Variants in NRXN1 observed in about 807,000 individuals in gnomAD.
The protein encoded by NRXN1 is neurexin 1, also known as neurexin-1.
A neutral mutation model predicts 150.9 loss-of-function variants in NRXN1; 39 were observed. That is an observed-to-expected ratio of 0.26 (90% confidence interval 0.20 to 0.34). The LOEUF (loss-of-function observed/expected upper bound fraction) is 0.34, where lower values mean the gene tolerates loss of function less well. Among genes scored for constraint, NRXN1 ranks in the 10% least tolerant of loss-of-function variants. The pLI is 1.00. For synonymous variants in NRXN1, 924 were observed against 757.0 expected (o/e 1.22, Z -3.62); for missense variants, 1,815 against 1,949.9 (o/e 0.93, Z 1.30).
chr2:50,212,466 G>GTT (rs113283870), intron 18 of NRXN1, among the ~76,000 whole-genome samples: 1 of 148,094 alleles, frequency 6.8e-6, no homozygotes, highest in Admixed American at 6.8e-5. Context: ...TTTGAGTCTG[G>GTT]TTTTTTTTTT....
At chr2:51,000,533 TTAC>T (rs1699893429) in intron 2 of NRXN1, among the ~76,000 whole-genome samples, 1 of 104,514 alleles carries the variant, frequency 9.6e-6, no homozygotes, top group Non-Finnish European at 1.9e-5. Context: ...GCTAATATTA[TTAC>T]TATTACCAAA....
At chr2:50,653,945 C>T (rs1686008439) in intron 5 of NRXN1, among the ~76,000 whole-genome samples, 1 of 149,412 alleles carries the variant, frequency 6.7e-6, no homozygotes, top group African/African-American at 2.5e-5. Context: ...CTCACTATGC[C>T]CCCTACTTTC....
chr2:50,707,128 T>C (rs1694549902), intron 5 of NRXN1, among the ~76,000 whole-genome samples: 1 of 152,184 alleles, frequency 6.6e-6, no homozygotes, highest in Admixed American at 6.5e-5. Context: ...TGTGTATGTA[T>C]TTGCTTGGCC....
chr2:50,931,648 G>T (rs1457699774), intron 2 of NRXN1, among the ~76,000 whole-genome samples: 2 of 150,718 alleles, frequency 1.3e-5, no homozygotes, highest in East Asian at 3.9e-4. Context: ...CATATTAAAA[G>T]GATTTGATTT....
intron 18 of NRXN1, among the ~76,000 whole-genome samples, chr2:50,101,292 C>T (rs747313483): frequency 7.2e-5 from 11 of 151,952 alleles, no homozygotes; most frequent in Non-Finnish European, 1.0e-4. Flanking sequence ...GACCATTGCA[C>T]TCTTTGATAT....
chr2:50,728,623 T>C (rs1376191561), intron 5 of NRXN1, among the ~76,000 whole-genome samples: 1 of 152,178 alleles, frequency 6.6e-6, no homozygotes, highest in East Asian at 1.9e-4. Context: ...TGTTAGTTCT[T>C]AGAAAGGCTG....
At chr2:49,936,145 G>A (rs1368410635) in intron 22 of NRXN1, among the ~76,000 whole-genome samples, 1 of 152,168 alleles carries the variant, frequency 6.6e-6, no homozygotes, top group Non-Finnish European at 1.5e-5. Context: ...TGTATCAGCA[G>A]CCATCTATTT....
At chr2:50,237,413 T>A (rs2065562903) in intron 17 of NRXN1, among the ~76,000 whole-genome samples, 1 of 151,960 alleles carries the variant, frequency 6.6e-6, no homozygotes. Context: ...GTGGAGAAAG[T>A]CGCAACAAAT....
intron 2 of NRXN1, among the ~76,000 whole-genome samples, chr2:50,991,498 A>T (rs183114997): frequency 1.3e-4 from 20 of 152,136 alleles, no homozygotes; most frequent in Non-Finnish European, 5.9e-5. Flanking sequence ...TCCTACTGCA[A>T]TAGCTTCTGA....
At chr2:50,330,629 G>T (rs2076779640) in intron 17 of NRXN1, among the ~76,000 whole-genome samples, 2 of 152,112 alleles carry the variant, frequency 1.3e-5, no homozygotes. Flanking sequence ...GCTTAATGGT[G>T]CACACAGGAA....
chr2:50,489,010 C>T (rs548664166), intron 15 of NRXN1, among the ~76,000 whole-genome samples: 16 of 152,318 alleles, frequency 1.1e-4, no homozygotes, highest in African/African-American at 3.8e-4. Context: ...TGCTCCAAGG[C>T]ACAAATGTCA....
chr2:50,100,111 A>G (rs1023517442), intron 18 of NRXN1, among the ~76,000 whole-genome samples: 2 of 152,168 alleles, frequency 1.3e-5, no homozygotes, highest in African/African-American at 4.8e-5. Flanking sequence ...AAAAACTCTA[A>G]GATTTTATTG....
chr2:49,969,790 A>G (rs1305444537), intron 21 of NRXN1: 1 of 152,028 alleles, frequency 6.6e-6, no homozygotes, highest in African/African-American at 2.4e-5. Context: ...AACTTGAACG[A>G]TGTTAAGTCA....
chr2:50,812,800 CA>C (rs776852334), intron 5 of NRXN1, among the ~76,000 whole-genome samples: 257 of 106,558 alleles, frequency 2.4e-3, no homozygotes, highest in African/African-American at 5.8e-3. Flanking sequence ...AAAGAGAAAG[CA>C]AAAAAAAAAA....
At chr2:50,040,506 T>C (rs1690769163) in intron 21 of NRXN1, among the ~76,000 whole-genome samples, 1 of 151,742 alleles carries the variant, frequency 6.6e-6, no homozygotes, top group South Asian at 2.1e-4. Flanking sequence ...AATAAACAAA[T>C]GGAACATAAG....
In NRXN1 at chr2:50,320,283, C is replaced by CTTATATATAT. The variant is rs1178411507; in HGVS notation, c.3365-83314_3365-83313insATATATATAA. Among the ~76,000 whole-genome samples, 66 of 43,056 alleles carry CTTATATATAT rather than the reference C, an allele frequency of 1.5e-3. 3 individuals carry two copies. The highest frequency in any genetic ancestry group is 3.5e-3 in the African/African-American group (60 of 17,096). 28.2% of individuals were successfully genotyped at this position (43,056 alleles called of 152,430 possible). ...TATTCATTTATTCTTATACCTCAAT[C>CTTATATATAT]ATATATATATATATATATATATATA... On this transcript the variant is annotated intron_variant, in intron 17 of 22. Transcript: ENST00000401669.
chr2:50,318,936 TAA>T (rs1437621107), intron 17 of NRXN1, among the ~76,000 whole-genome samples: 2 of 152,170 alleles, frequency 1.3e-5, no homozygotes, highest in Admixed American at 6.5e-5. Context: ...ATGAATTATA[TAA>T]GTTTTAAAGG....
At chr2:50,537,964 C>T (rs916955874) in intron 10 of NRXN1, among the ~76,000 whole-genome samples, 3 of 152,170 alleles carry the variant, frequency 2.0e-5, no homozygotes, top group Non-Finnish European at 2.9e-5. Flanking sequence ...GCAAAAAAGA[C>T]AGCAGTTACT....
intron 15 of NRXN1, among the ~76,000 whole-genome samples, chr2:50,485,390 A>T (rs2090793511): frequency 6.6e-6 from 1 of 152,240 alleles, no homozygotes; most frequent in Admixed American, 6.5e-5. Flanking sequence ...AGTAGCTCGT[A>T]CTATGCAGTG....
Sources: allele counts gnomAD v4.1 joint callset (sites outside exome capture counted in the v4.1 genomes callset), GRCh38; gene constraint gnomAD v4.1.1; transcripts MANE v1.5; gene names NCBI Gene and HGNC (gene_info 2026-07-23, HGNC 2026-07-21).